The following BDKRB2 variants were observed in gnomAD, a reference collection of about 807,000 sequenced individuals.
The protein encoded by BDKRB2 is B2 bradykinin receptor.
A neutral mutation model predicts 4.0 loss-of-function variants in BDKRB2; 6 were observed. That is an observed-to-expected ratio of 1.49 (90% CI 0.81 to 2.93). The LOEUF is 2.93. BDKRB2 is among the 30% of genes most tolerant of loss of function. The probability of loss-of-function intolerance (pLI) is 0.00; values close to 1 mark genes in which losing one functional copy is unlikely to be tolerated. For missense variants in BDKRB2, 478 were observed against 520.1 expected (o/e 0.92, Z 0.79); for synonymous variants, 225 against 215.3 (o/e 1.05, Z -0.40).
At chr14:96,217,419 A>G (rs967557153) in intron 1 of BDKRB2, among the ~76,000 whole-genome samples, 1 of 152,240 alleles carries the variant, frequency 6.6e-6, no homozygotes, top group Non-Finnish European at 1.5e-5. Flanking sequence ...TTTGCCCTAG[A>G]GATGGGGAAA....
rs113890568 is a variant in BDKRB2, at chr14:96,222,248, T to C, written c.-39-14821T>C. Among the ~76,000 whole-genome samples, 405 of 152,198 alleles carry C rather than the reference T, an allele frequency of 2.7e-3. 5 individuals carry two copies. The highest frequency in any genetic ancestry group is 9.2e-3 in the African/African-American group (383 of 41,480). ...GGGCCTGGAGCTTCGGTGCTGTCTC[T>C]GGGGGCACCACCAGCTCAGCACTTC... On this transcript the variant is annotated intron_variant, in intron 1 of 2. Coordinates refer to ENST00000554311, the MANE Select transcript of BDKRB2 (RefSeq NM_001379692.1).
At chr14:96,239,873 C>T (rs1011175271) in intron 2 of BDKRB2, 67 of 985,414 alleles carry the variant, frequency 6.8e-5, no homozygotes, top group Middle Eastern at 5.2e-4. Flanking sequence ...TACGGAAATA[C>T]GATGCCACAG....
intron 2 of BDKRB2, chr14:96,240,063 G>A (rs1165070226): frequency 9.6e-7 from 1 of 1,046,140 alleles, no homozygotes; most frequent in Non-Finnish European, 1.1e-6. Flanking sequence ...TGATAAGGAA[G>A]GAATGTGAAT....
intron 1 of BDKRB2, among the ~76,000 whole-genome samples, chr14:96,227,365 G>A (rs1229278706): frequency 6.6e-6 from 1 of 152,178 alleles, no homozygotes; most frequent in African/African-American, 2.4e-5. Flanking sequence ...TGAAGAAACT[G>A]AGGCCCTGAG....
In BDKRB2 at chr14:96,243,530, A is replaced by AGCTAGAACCCGGCAG. The variant is rs1323115019; in HGVS notation, c.*2036_*2050dup. 2 of 148,988 alleles carry AGCTAGAACCCGGCAG rather than the reference A, an allele frequency of 1.3e-5. No homozygotes were observed. The highest frequency in any genetic ancestry group is 4.3e-4 in the South Asian group (2 of 4,660). 9.2% of individuals were successfully genotyped at this position (148,988 alleles called of 1,614,324 possible). A position where few individuals can be genotyped will look rare whatever the true frequency, so the allele number is the denominator to read the frequency against. ...GAACCTGTAGAGCTAGAACATGGAGAGCTAGAACCCGGCAGGCTAGAACCT... is the reference window on the plus strand; with the variant it reads ...GAACCTGTAGAGCTAGAACATGGAGAGCTAGAACCCGGCAGGCTAGAACCCGGCAGGCTAGAACCT... On this transcript the variant is annotated 3_prime_UTR_variant, in exon 3 of 3. Transcript: ENST00000554311.
intron 1 of BDKRB2, among the ~76,000 whole-genome samples, chr14:96,235,347 C>CAA (rs60409238): frequency 1.3e-4 from 9 of 67,204 alleles, no homozygotes; most frequent in East Asian, 4.5e-4. Flanking sequence ...GACTCCGTCT[C>CAA]AAAAAAAAAA....
At chr14:96,240,157 T>C (rs1232389341) in intron 2 of BDKRB2, 1 of 1,233,246 alleles carries the variant, frequency 8.1e-7, no homozygotes, top group Non-Finnish European at 1.0e-6. Flanking sequence ...GCCAAGGAAA[T>C]ATCCCAGTGG....
chr14:96,229,470 T>A (rs1029669192), intron 1 of BDKRB2, among the ~76,000 whole-genome samples: 1 of 152,190 alleles, frequency 6.6e-6, no homozygotes, highest in African/African-American at 2.4e-5. Flanking sequence ...AGATCTGCTC[T>A]AAGTCCTTTC....
intron 1 of BDKRB2, among the ~76,000 whole-genome samples, chr14:96,224,484 A>G (rs913820355): frequency 6.6e-6 from 1 of 152,194 alleles, no homozygotes; most frequent in Non-Finnish European, 1.5e-5. Flanking sequence ...AAATGAAGAT[A>G]TGTTGCAGGC....
rs537273483 is a variant in BDKRB2, at chr14:96,229,201, T to C, written c.-39-7868T>C. Among the ~76,000 whole-genome samples the C allele has an allele frequency of 2.6e-5, 4 of 152,248 alleles. No homozygotes were observed. In the South Asian group the frequency reaches 8.3e-4, roughly 32 times the overall value. On this transcript the variant is annotated intron_variant, in intron 1 of 2. Coordinates refer to ENST00000554311, the MANE Select transcript of BDKRB2 (RefSeq NM_001379692.1). ...GAAATAACAACACAAGCAACTCTTATAGCTATACCCTATAATAAATGTTAT... is the reference window on the plus strand; with the variant it reads ...GAAATAACAACACAAGCAACTCTTACAGCTATACCCTATAATAAATGTTAT...
chr14:96,226,870 C>A (rs562131486), intron 1 of BDKRB2, among the ~76,000 whole-genome samples: 3 of 152,278 alleles, frequency 2.0e-5, no homozygotes, highest in Non-Finnish European at 2.9e-5. Context: ...AGAATTCCAA[C>A]GGCGGAAGAA....
At chr14:96,209,017 G>A (rs933727363) in intron 1 of BDKRB2, among the ~76,000 whole-genome samples, 5 of 152,216 alleles carry the variant, frequency 3.3e-5, no homozygotes, top group African/African-American at 1.2e-4. Flanking sequence ...ATGGTCATGA[G>A]GTCGCTTCTC....
intron 1 of BDKRB2, among the ~76,000 whole-genome samples, chr14:96,225,402 G>A (rs115569456): frequency 0.019 from 2,920 of 152,172 alleles, 72 homozygotes; most frequent in African/African-American, 0.059. Flanking sequence ...CTTAGAGGAG[G>A]TGAGATTGGA....
intron 1 of BDKRB2, among the ~76,000 whole-genome samples, chr14:96,231,707 C>T (rs1890822349): frequency 6.6e-6 from 1 of 152,206 alleles, no homozygotes; most frequent in African/African-American, 2.4e-5. Flanking sequence ...CACTTATTTA[C>T]AGAGCGAATA....
At chr14:96,214,700 A>T (rs1395301078) in intron 1 of BDKRB2, 2 of 152,334 alleles carry the variant, frequency 1.3e-5, no homozygotes, top group African/African-American at 4.8e-5. Flanking sequence ...CCAGCCTCCA[A>T]GCCCTCACCT....
chr14:96,210,495 C>T (rs1890280176), intron 1 of BDKRB2, among the ~76,000 whole-genome samples: 2 of 152,190 alleles, frequency 1.3e-5, no homozygotes, highest in African/African-American at 4.8e-5. Context: ...CTCTAACAGA[C>T]TTGAGTGTGA....
At chr14:96,212,400 G>T (rs1342419053) in intron 1 of BDKRB2, among the ~76,000 whole-genome samples, 1 of 134,918 alleles carries the variant, frequency 7.4e-6, no homozygotes, top group African/African-American at 2.6e-5. Flanking sequence ...CAAAAAGATT[G>T]CAAAAAAAAA....
rs71103505 is a variant in BDKRB2 at position 96,204,870 on chromosome 14, G to GGGTGGGGAC, written c.-110_-102dup. ...GCTCTGGCTTCTGGGCTCCGAGGAG[G>GGGTGGGGAC]GGTGGGGACGGTGGGGACGGTGGGG... is the stretch of plus-strand genomic sequence containing the variant. On this transcript the variant is annotated 5_prime_UTR_variant, in exon 1 of 3. Transcript: ENST00000554311. 4.3e-5 allele frequency: 15 copies of GGGTGGGGAC among 345,680 alleles called. No homozygotes were observed. The highest frequency in any genetic ancestry group is 1.6e-4 in the African/African-American group (7 of 44,872). 21.4% of individuals were successfully genotyped at this position (345,680 alleles called of 1,614,324 possible). A position where few individuals can be genotyped will look rare whatever the true frequency, so the allele number is the denominator to read the frequency against.
Position 96,240,713 on chromosome 14 carries a change from C to T in BDKRB2, c.385C>T (p.Leu129Phe). ...NNFDWLFGET[L>F]CRVVNAIISM... is the part of the protein sequence containing the mutation. Reference sequence around the variant, plus strand: ...CTTCGACTGGCTCTTTGGGGAGACGCTCTGCCGCGTGGTGAATGCCATTAT... The same window carrying T: ...CTTCGACTGGCTCTTTGGGGAGACGTTCTGCCGCGTGGTGAATGCCATTAT... Residue 129 changes from leucine to phenylalanine, a missense_variant, in exon 3 of 3, where the codon CTC (leucine) becomes TTC (phenylalanine). Leu to Phe is a conservative substitution (Grantham distance 22, BLOSUM62 0). Transcript: ENST00000554311. The T allele has an allele frequency of 6.2e-7, 1 of 1,601,750 alleles. No individual in the cohort carries two copies. The highest frequency in any genetic ancestry group is 8.5e-7 in the Non-Finnish European group (1 of 1,174,740).
Sources: gnomAD v4.1 joint callset for allele counts (sites outside exome capture counted in the v4.1 genomes callset) on GRCh38, gnomAD v4.1.1 for gene constraint, MANE v1.5 for transcripts, NCBI Gene and HGNC (gene_info 2026-07-23, HGNC 2026-07-21) for gene names.